PTPRQ: variants seen among roughly 807,000 people sequenced by gnomAD.
PTPRQ encodes the protein phosphatidylinositol phosphatase PTPRQ.
In PTPRQ, 199 loss-of-function variants were observed where a neutral mutation model predicts 246.0. The observed-to-expected ratio is 0.81, with a 90% CI of 0.72 to 0.91. The LOEUF (loss-of-function observed/expected upper bound fraction) is 0.91. Ranked by LOEUF, PTPRQ falls within the 40% of genes least tolerant of loss-of-function variation. The pLI, the probability that PTPRQ is intolerant of heterozygous loss-of-function variation, is 0.00. For synonymous variants in PTPRQ, 869 were observed against 853.2 expected (o/e 1.02, Z -0.32); for missense variants, 2,624 against 2,528.4 (o/e 1.04, Z -0.81).
chr12:80,557,903 T>C (rs999414601), intron 25 of PTPRQ, among the ~76,000 whole-genome samples: 1 of 152,144 alleles, frequency 6.6e-6, no homozygotes, highest in Non-Finnish European at 1.5e-5. Context: ...TGGACACCAC[T>C]AATCTGTTCT....
At chr12:80,565,019 C>T (rs1592661010) in intron 25 of PTPRQ, among the ~76,000 whole-genome samples, 1 of 152,036 alleles carries the variant, frequency 6.6e-6, no homozygotes. Flanking sequence ...TGATCAAATC[C>T]ATGCTTAGTC....
At chr12:80,577,788 T>C (rs982067315) in intron 25 of PTPRQ, among the ~76,000 whole-genome samples, 4 of 152,170 alleles carry the variant, frequency 2.6e-5, no homozygotes, top group African/African-American at 4.8e-5. Context: ...TTCATGCACA[T>C]TGAATACATT....
chr12:80,652,611 T>C (rs977883783), intron 37 of PTPRQ, 133 bp from the exon 38 acceptor site: 8 of 843,642 alleles, frequency 9.5e-6, no homozygotes, highest in Admixed American at 8.4e-5. Context: ...TTGACCTTGT[T>C]TCCACAGTTA....
chr12:80,631,219 G>A (rs370358647), intron 33 of PTPRQ, among the ~76,000 whole-genome samples: 53 of 152,100 alleles, frequency 3.5e-4, no homozygotes, highest in African/African-American at 1.2e-3. Context: ...TATAGCCAGA[G>A]TTTACAAATT....
At chr12:80,668,913 T>C in intron 39 of PTPRQ, 94 bp from the exon 40 acceptor site, 1 of 1,361,174 alleles carries the variant, frequency 7.3e-7, no homozygotes, top group Non-Finnish European at 9.5e-7. Context: ...ATTAGGTAAT[T>C]TTACAACCAG....
At chr12:80,580,434 T>G (rs1897397933) in intron 25 of PTPRQ, among the ~76,000 whole-genome samples, 1 of 152,166 alleles carries the variant, frequency 6.6e-6, no homozygotes, top group Admixed American at 6.5e-5. Context: ...AGTTTGAGGT[T>G]TTTAGTCATT....
At position 80,649,646 on chromosome 12, in the gene PTPRQ, C is replaced by A. The variant is rs915509778; in HGVS notation, c.6001C>A (p.Leu2001Ile). 2.6e-6 allele frequency: 4 copies of A among 1,548,782 alleles called. No individual in the cohort carries two copies. Among genetic ancestry groups the A allele is most frequent in the African/African-American group, 1.4e-5 (1 of 72,894 alleles). The change falls in exon 37 of 45, where the codon CTA becomes ATA. Residue 2001 changes from leucine to isoleucine, a missense_variant. Leu to Ile is a conservative substitution (Grantham distance 5). Transcript: ENST00000644991. ...TGAAGAGCTTTGCACAAACAACAAC[C>A]TAAAGTTTCAAGAAGAATTTTCGGT... is the stretch of plus-strand genomic sequence containing the variant. ...HVEELCTNNN[L>I]KFQEEFSELP...
chr12:80,494,461 C>T (rs1038372284), intron 10 of PTPRQ, among the ~76,000 whole-genome samples: 8 of 151,940 alleles, frequency 5.3e-5, no homozygotes, highest in African/African-American at 1.9e-4. Flanking sequence ...ATTTATTTAA[C>T]TCTTTTACTA....
At chr12:80,545,754 A>G (rs1896283350) in intron 23 of PTPRQ, among the ~76,000 whole-genome samples, 1 of 147,874 alleles carries the variant, frequency 6.8e-6, no homozygotes, top group Admixed American at 6.8e-5. Context: ...ATTTTAAAAT[A>G]ATAATAATTT....
chr12:80,628,174 T>C (rs1899277298), intron 33 of PTPRQ, among the ~76,000 whole-genome samples: 1 of 152,120 alleles, frequency 6.6e-6, no homozygotes, highest in Admixed American at 6.6e-5. Flanking sequence ...TGAAAATTCA[T>C]AAATCAAACC....
rs1897690571 is a variant in PTPRQ at position 80,588,470 on chromosome 12, A to G, written c.4609+18A>G. On this transcript the variant is annotated intron_variant, in intron 26 of 44. Transcript: ENST00000644991. ...GCCTGGCCGTGAGTATTGTCCTGAC[A>G]TGTACATACTGATTTCTGTTATATT... 4.8e-6 allele frequency: 7 copies of G among 1,448,042 alleles called. No individual in the cohort carries two copies. Among genetic ancestry groups the G allele is most frequent in the Non-Finnish European group, 6.4e-6 (7 of 1,098,712 alleles). 89.7% of individuals were successfully genotyped at this position (1,448,042 alleles called of 1,614,324 possible).
chr12:80,581,544 A>T (rs1275940568), intron 25 of PTPRQ, among the ~76,000 whole-genome samples: 2 of 151,990 alleles, frequency 1.3e-5, no homozygotes, highest in Non-Finnish European at 1.5e-5. Flanking sequence ...CTGGGTTGGG[A>T]GGGTCATATG....
chr12:80,547,823 T>A (rs1017099128), intron 24 of PTPRQ, among the ~76,000 whole-genome samples: 2 of 152,150 alleles, frequency 1.3e-5, no homozygotes, highest in African/African-American at 4.8e-5. Context: ...AATGCCCACT[T>A]CATAGAGTGT....
chr12:80,663,414 C>T (rs1473576568), intron 39 of PTPRQ, among the ~76,000 whole-genome samples: 4 of 151,896 alleles, frequency 2.6e-5, no homozygotes, highest in African/African-American at 9.7e-5. Context: ...CCCTCCCGTA[C>T]GTACTCAGCA....
chr12:80,586,285 A>C (rs903464612), intron 25 of PTPRQ, among the ~76,000 whole-genome samples: 1 of 151,700 alleles, frequency 6.6e-6, no homozygotes, highest in Non-Finnish European at 1.5e-5. Context: ...GCCAAAAGAC[A>C]CATGAAAAAA....
At chr12:80,552,250 T>C (rs1295850672) in intron 25 of PTPRQ, among the ~76,000 whole-genome samples, 1 of 152,036 alleles carries the variant, frequency 6.6e-6, no homozygotes, top group African/African-American at 2.4e-5. Context: ...CAGCACATCA[T>C]TGCTATGTGG....
chr12:80,652,130 T>G (rs978015081), intron 37 of PTPRQ, among the ~76,000 whole-genome samples: 2 of 152,136 alleles, frequency 1.3e-5, no homozygotes, highest in Admixed American at 6.6e-5. Context: ...TTTTTAATGA[T>G]GCTTGCTTTG....
chr12:80,619,595 G>A (rs1898900255), intron 31 of PTPRQ, 53 bp downstream of exon 31: 3 of 1,333,778 alleles, frequency 2.2e-6, no homozygotes, highest in Non-Finnish European at 2.9e-6. Context: ...AGATTACTGA[G>A]TGCTAAAAAG....
chr12:80,653,879 A>C lies in PTPRQ; in HGVS notation c.6115+1045A>C, dbSNP rs551811199. ...CCTGTTAATTTCTAAGAAGTAGAAT[A>C]GGATGAAAATACAAATAGCTTTAAC... is the stretch of plus-strand genomic sequence containing the variant. On this transcript the variant is annotated intron_variant, in intron 38 of 44. Coordinates refer to ENST00000644991, the MANE Select transcript of PTPRQ (RefSeq NM_001145026.2). Among the ~76,000 whole-genome samples the C allele has an allele frequency of 1.1e-4, 16 of 152,334 alleles. No individual in the cohort carries two copies. The East Asian group carries it at 3.1e-3, about 29-fold the overall frequency.
Sources: allele counts gnomAD v4.1 joint callset (sites outside exome capture counted in the v4.1 genomes callset), GRCh38; gene constraint gnomAD v4.1.1; transcripts MANE v1.5; gene names NCBI Gene and HGNC (gene_info 2026-07-23, HGNC 2026-07-21).